Variants in ZMYM1 observed in about 807,000 individuals in gnomAD.
ZMYM1 encodes zinc finger MYM-type protein 1.
In ZMYM1, 39 loss-of-function variants were observed where a neutral mutation model predicts 60.0. That is an observed-to-expected ratio of 0.65 (90% CI 0.50 to 0.85). ZMYM1 has a LOEUF of 0.85. ZMYM1 is among the 40% of genes least tolerant of loss of function. The probability of loss-of-function intolerance (pLI) is 0.00; values close to 1 mark genes in which losing one functional copy is unlikely to be tolerated. For synonymous variants in ZMYM1, 413 were observed against 454.0 expected, an observed-to-expected ratio of 0.91 and a Z score of 1.15; for missense variants, 1,171 against 1,309.5, an observed-to-expected ratio of 0.89 and a Z score of 1.63.
chr1:35,068,161 G>C (rs1156419629), intron 1 of ZMYM1, among the ~76,000 whole-genome samples: 1 of 151,880 alleles, frequency 6.6e-6, no homozygotes, highest in Admixed American at 6.6e-5. Context: ...GCTCATGCCT[G>C]TAATCCAAGC....
At chr1:35,068,570 A>G (rs1442340667) in intron 1 of ZMYM1, among the ~76,000 whole-genome samples, 2 of 151,434 alleles carry the variant, frequency 1.3e-5, no homozygotes, top group East Asian at 1.9e-4. Flanking sequence ...ACAAAGGTAA[A>G]AGGGAAATTC....
intron 6 of ZMYM1, among the ~76,000 whole-genome samples, chr1:35,105,189 C>T (rs1320458700): frequency 1.5e-5 from 2 of 129,342 alleles, no homozygotes; most frequent in South Asian, 2.3e-4. Context: ...GGCTGGAGTG[C>T]GGTGGCGCGA....
intron 1 of ZMYM1, among the ~76,000 whole-genome samples, chr1:35,082,301 A>C (rs1346456441): frequency 1.3e-5 from 2 of 151,634 alleles, no homozygotes; most frequent in Admixed American, 1.3e-4. Context: ...ATATGCAGTC[A>C]TGTCTACAAA....
intron 1 of ZMYM1, among the ~76,000 whole-genome samples, chr1:35,091,306 G>T (rs1289821609): frequency 6.6e-6 from 1 of 151,918 alleles, no homozygotes; most frequent in African/African-American, 2.4e-5. Flanking sequence ...TCCGTCTCCC[G>T]GGTTCACACC....
chr1:35,082,906 G>A (rs964861157), intron 1 of ZMYM1, among the ~76,000 whole-genome samples: 13 of 151,840 alleles, frequency 8.6e-5, no homozygotes, highest in Admixed American at 2.0e-4. Context: ...ACTTGAACCC[G>A]GGAGGTGGAG....
chr1:35,084,426 A>G (rs1197660511), intron 1 of ZMYM1, among the ~76,000 whole-genome samples: 1 of 152,232 alleles, frequency 6.6e-6, no homozygotes. Flanking sequence ...ACTTCCTTCA[A>G]AGCAGACTAA....
intron 1 of ZMYM1, among the ~76,000 whole-genome samples, chr1:35,067,001 CAG>C (rs904002195): frequency 3.9e-4 from 59 of 152,252 alleles, no homozygotes; most frequent in African/African-American, 1.3e-3. Flanking sequence ...TATTTTGAGA[CAG>C]GGGCTCACTC....
downstream of ZMYM1, among the ~76,000 whole-genome samples, chr1:35,117,541 C>G (rs534786364): frequency 6.6e-6 from 1 of 151,510 alleles, no homozygotes; most frequent in Non-Finnish European, 1.5e-5. Flanking sequence ...AGGCTGGTCT[C>G]GAACTCCTGA....
chr1:35,116,149 T>A (rs1439860956), downstream of ZMYM1, among the ~76,000 whole-genome samples: 1 of 152,082 alleles, frequency 6.6e-6, no homozygotes, highest in Non-Finnish European at 1.5e-5. Flanking sequence ...GCAGGAGGAT[T>A]GCTTAAGCCC....
chr1:35,098,761 G>A lies in ZMYM1; in HGVS notation c.419+1195G>A, dbSNP rs551294609. Among the ~76,000 whole-genome samples the A allele has an allele frequency of 9.2e-5, 14 of 152,250 alleles. No homozygotes were observed. The East Asian group carries it at 2.1e-3, about 23-fold the overall frequency. The stretch of plus-strand genomic sequence containing the variant: ...TCTCTACTAAAATACAAAAAAATTA[G>A]CTGAGCACTGTGGCATGCACCTGTA... On this transcript the variant is annotated intron_variant, in intron 4 of 9. Transcript: ENST00000359858.
upstream of ZMYM1, among the ~76,000 whole-genome samples, chr1:35,077,401 A>G (rs1399566503): frequency 1.3e-5 from 2 of 152,192 alleles, no homozygotes; most frequent in East Asian, 1.9e-4. Context: ...AACAAAGACA[A>G]TAACAGCCCT....
intron 4 of ZMYM1, chr1:35,097,769 C>G (rs1643414898): frequency 5.2e-6 from 3 of 573,340 alleles, no homozygotes; most frequent in South Asian, 2.0e-5. Context: ...CTCAGCCTCC[C>G]AAGTAGCTGG....
At chr1:35,077,830 G>A (rs1228073506), upstream of ZMYM1, among the ~76,000 whole-genome samples, 2 of 152,118 alleles carry the variant, frequency 1.3e-5, no homozygotes, top group African/African-American at 2.4e-5. Context: ...TCAGTCTCCC[G>A]CACAGCTGGC....
intron 6 of ZMYM1, among the ~76,000 whole-genome samples, chr1:35,108,207 G>T (rs954351968): frequency 5.3e-5 from 8 of 152,132 alleles, no homozygotes; most frequent in African/African-American, 1.7e-4. Context: ...TATAAAAGTT[G>T]TTCATACTAA....
intron 7 of ZMYM1, 100 bp from the exon 8 acceptor site, chr1:35,111,672 T>G (rs1206866987): frequency 8.6e-7 from 1 of 1,156,264 alleles, no homozygotes; most frequent in African/African-American, 1.6e-5. Context: ...TTCCTTAAGC[T>G]ATTAGATGCT....
At chr1:35,076,503 C>A (rs1313870604), upstream of ZMYM1, among the ~76,000 whole-genome samples, 4 of 151,520 alleles carry the variant, frequency 2.6e-5, no homozygotes, top group African/African-American at 9.7e-5. Context: ...TGCCTGTAAT[C>A]CCAACTACTC....
chr1:35,071,025 C>T (rs1642057635), intron 1 of ZMYM1, among the ~76,000 whole-genome samples: 1 of 152,012 alleles, frequency 6.6e-6, no homozygotes, highest in African/African-American at 2.4e-5. Context: ...GCTGAGATTA[C>T]AGGTGTGCGC....
chr1:35,072,860 TC>T (rs1642091775), intron 1 of ZMYM1, among the ~76,000 whole-genome samples: 1 of 152,118 alleles, frequency 6.6e-6, no homozygotes, highest in Non-Finnish European at 1.5e-5. Flanking sequence ...GACAGGTGGA[TC>T]CCCTGAGGTC....
chr1:35,083,989 G>A (rs1056334859), intron 1 of ZMYM1, among the ~76,000 whole-genome samples: 2 of 152,040 alleles, frequency 1.3e-5, no homozygotes, highest in Non-Finnish European at 2.9e-5. Flanking sequence ...GAGATCCCAC[G>A]TGGCACATTA....
Sources: gnomAD v4.1 joint callset for allele counts (sites outside exome capture counted in the v4.1 genomes callset) on GRCh38, gnomAD v4.1.1 for gene constraint, MANE v1.5 for transcripts, NCBI Gene and HGNC (gene_info 2026-07-23, HGNC 2026-07-21) for gene names.